The following PCDHA3 variants were observed in gnomAD, a reference collection of about 807,000 sequenced individuals.
The protein encoded by PCDHA3 is protocadherin alpha 3.
PCDHA3 carries 41 observed loss-of-function variants against 62.2 expected under a neutral mutation model. The observed-to-expected ratio is 0.66, with a 90% CI of 0.51 to 0.86. PCDHA3 has a LOEUF of 0.86. Ranked by LOEUF, PCDHA3 falls within the 40% of genes least tolerant of loss-of-function variation. The probability of loss-of-function intolerance (pLI) is 0.00; values close to 1 mark genes in which losing one functional copy is unlikely to be tolerated. For synonymous variants in PCDHA3, 640 were observed against 555.4 expected, an observed-to-expected ratio of 1.15 and a Z score of -2.14; for missense variants, 1,304 against 1,241.2, an observed-to-expected ratio of 1.05 and a Z score of -0.76.
intron 1 of PCDHA3, chr5:140,841,143 T>C (rs1298799618): frequency 4.1e-6 from 3 of 736,926 alleles, no homozygotes; most frequent in Non-Finnish European, 4.3e-6. Flanking sequence ...AGCCACATGA[T>C]GTCGCTGTCT....
Position 140,809,258 on chromosome 5 carries a change from G to A in PCDHA3, c.2394+5667G>A, listed in dbSNP as rs565672389. On this transcript the variant is annotated intron_variant, in intron 1 of 3. Transcript: ENST00000522353. ...GTTGGTGGGCGCTGTGGGTCCCGAT[G>A]CTGCGCTGGTGGATGTCAACGTATA... 2.5e-6 allele frequency: 4 copies of A among 1,614,106 alleles called. No individual in the cohort carries two copies. The African/African-American group carries it at 4.0e-5, about 16-fold the overall frequency.
chr5:140,894,197 A>C (rs1378272032), intron 1 of PCDHA3, among the ~76,000 whole-genome samples: 1 of 152,008 alleles, frequency 6.6e-6, no homozygotes, highest in Non-Finnish European at 1.5e-5. Context: ...TATTTTTTCT[A>C]TGCTATTATA....
At chr5:140,915,840 G>A (rs1554197129) in intron 1 of PCDHA3, among the ~76,000 whole-genome samples, 1 of 152,142 alleles carries the variant, frequency 6.6e-6, no homozygotes, top group Admixed American at 6.5e-5. Context: ...AGATCAGCAG[G>A]GGGTGACACC....
At chr5:140,888,749 AC>A (rs1218374821) in intron 1 of PCDHA3, among the ~76,000 whole-genome samples, 1 of 151,232 alleles carries the variant, frequency 6.6e-6, no homozygotes, top group African/African-American at 2.4e-5. Context: ...GAATTATTCT[AC>A]CCACTTTTTT....
In PCDHA3 at chr5:140,849,164, T is replaced by A. The variant is rs2150431781; in HGVS notation, c.2394+45573T>A. On this transcript the variant is annotated intron_variant, in intron 1 of 3. Transcript: ENST00000522353. The stretch of plus-strand genomic sequence containing the variant: ...CCGATGGAGGCAAACCCGAGCTGAC[T>A]GGCACCGTTCAATTACTCATCACGG... 2.2e-5 allele frequency: 26 copies of A among 1,167,304 alleles called. No homozygotes were observed. In the East Asian group the frequency reaches 6.1e-4, roughly 28 times the overall value. 72.3% of individuals were successfully genotyped at this position (1,167,304 alleles called of 1,614,324 possible).
intron 3 of PCDHA3, among the ~76,000 whole-genome samples, chr5:141,002,460 C>T (rs1554258683): frequency 2.0e-5 from 3 of 152,174 alleles, no homozygotes; most frequent in African/African-American, 7.2e-5. Context: ...ATTTGTATAA[C>T]GCTTTAGCAT....
intron 1 of PCDHA3, chr5:140,884,061 A>G: frequency 1.2e-6 from 2 of 1,613,342 alleles, no homozygotes; most frequent in Non-Finnish European, 1.7e-6. Flanking sequence ...CGCGCGGTGG[A>G]CGCCGATTCG....
chr5:140,858,160 G>A, intron 1 of PCDHA3: 1 of 1,597,718 alleles, frequency 6.3e-7, no homozygotes, highest in Non-Finnish European at 8.6e-7. Flanking sequence ...CCATCTGCGC[G>A]GTGTCCAGCT....
chr5:140,926,629 G>C, intron 1 of PCDHA3: 1 of 406,364 alleles, frequency 2.5e-6, no homozygotes, highest in Non-Finnish European at 4.2e-6. Flanking sequence ...GCGGCGCTGC[G>C]CTCCTCAACA....
intron 3 of PCDHA3, among the ~76,000 whole-genome samples, chr5:140,994,339 A>T (rs1279466681): frequency 6.6e-6 from 1 of 152,146 alleles, no homozygotes; most frequent in Non-Finnish European, 1.5e-5. Context: ...TGAACAGTGG[A>T]TGTTGTGGGA....
chr5:140,918,423 G>A (rs1450010103), intron 1 of PCDHA3, among the ~76,000 whole-genome samples: 2 of 152,076 alleles, frequency 1.3e-5, no homozygotes, highest in Admixed American at 1.3e-4. Context: ...CTTCCAGTAG[G>A]ATGTTGAATA....
At chr5:140,858,612 A>G (rs1554151880) in intron 1 of PCDHA3, 2 of 1,223,056 alleles carry the variant, frequency 1.6e-6, no homozygotes, top group Admixed American at 2.7e-5. Flanking sequence ...AAATTTTTTT[A>G]TCCTACCCAG....
intron 3 of PCDHA3, among the ~76,000 whole-genome samples, chr5:141,006,736 G>C (rs939000554): frequency 2.0e-5 from 3 of 152,122 alleles, no homozygotes; most frequent in African/African-American, 7.2e-5. Context: ...AGGTCTTGAT[G>C]ATGTATTATA....
chr5:140,812,657 A>G (rs1192812490), intron 1 of PCDHA3: 1 of 152,140 alleles, frequency 6.6e-6, no homozygotes, highest in Non-Finnish European at 1.5e-5. Flanking sequence ...ACAAGATCTC[A>G]CTATGATGTA....
chr5:140,940,253 A>G (rs1216858680), intron 1 of PCDHA3, among the ~76,000 whole-genome samples: 1 of 152,124 alleles, frequency 6.6e-6, no homozygotes, highest in Middle Eastern at 3.2e-3. Context: ...CCTCCTCAAT[A>G]TCTTCTGGGT....
intron 1 of PCDHA3, among the ~76,000 whole-genome samples, chr5:140,872,410 T>A (rs2053645814): frequency 6.6e-6 from 1 of 152,110 alleles, no homozygotes; most frequent in South Asian, 2.1e-4. Flanking sequence ...GAGAATTGCT[T>A]GAGCCCAAGA....
chr5:140,926,170 C>G (rs558750358), intron 1 of PCDHA3, among the ~76,000 whole-genome samples: 1 of 151,736 alleles, frequency 6.6e-6, no homozygotes. Flanking sequence ...CAGGATCCAG[C>G]GCGGAAAGCC....
At chr5:140,851,813 A>T (rs2042166057) in intron 1 of PCDHA3, 1 of 954,990 alleles carries the variant, frequency 1.0e-6, no homozygotes, top group Non-Finnish European at 1.3e-6. Context: ...AATCCATAAG[A>T]CAGAAATCTG....
Position 140,884,327 on chromosome 5 carries a change from G to T in PCDHA3, c.2394+80736G>T, listed in dbSNP as rs1400364790. The T allele has an allele frequency of 5.6e-6, 9 of 1,613,894 alleles. No individual in the cohort carries two copies. In the African/African-American group the frequency reaches 9.3e-5, roughly 17 times the overall value. Reference sequence around the variant, plus strand: ...TTCGTCGAGGGCGTCGGCAGGCGCTGTGGGTCCAGAAGCGGCGCTGGTGGA... The same window carrying T: ...TTCGTCGAGGGCGTCGGCAGGCGCTTTGGGTCCAGAAGCGGCGCTGGTGGA... On this transcript the variant is annotated intron_variant, in intron 1 of 3. Coordinates refer to ENST00000522353, the MANE Select transcript of PCDHA3 (RefSeq NM_018906.3).
Sources: allele counts gnomAD v4.1 joint callset (sites outside exome capture counted in the v4.1 genomes callset), GRCh38; gene constraint gnomAD v4.1.1; transcripts MANE v1.5; gene names NCBI Gene and HGNC (gene_info 2026-07-23, HGNC 2026-07-21).